The following CKAP5 variants were observed in gnomAD, a reference collection of about 807,000 sequenced individuals.
CKAP5 encodes the protein cytoskeleton-associated protein 5.
Under a neutral mutation model 232.8 loss-of-function variants are expected in CKAP5, and 27 were observed. The observed-to-expected ratio is 0.12, with a 90% confidence interval of 0.09 to 0.16. CKAP5 has a LOEUF of 0.16. Among genes scored for constraint, CKAP5 ranks in the 10% least tolerant of loss-of-function variants. The pLI is 1.00. For synonymous variants in CKAP5, 785 were observed against 841.1 expected (o/e 0.93, Z 1.16); for missense variants, 1,838 against 2,424.7 (o/e 0.76, Z 5.08).
chr11:46,794,147 A>C (rs1326523004), intron 13 of CKAP5, among the ~76,000 whole-genome samples: 3 of 152,188 alleles, frequency 2.0e-5, no homozygotes, highest in Admixed American at 2.0e-4. Flanking sequence ...AAATCTTTAG[A>C]ACAAAATAGA....
chr11:46,747,079 G>A (rs778818257), intron 42 of CKAP5, among the ~76,000 whole-genome samples: 3 of 152,098 alleles, frequency 2.0e-5, no homozygotes, highest in Non-Finnish European at 2.9e-5. Context: ...GGAGGTTGCA[G>A]TGAGCCGAGA....
At chr11:46,783,713 GTTTA>G (rs1355588419) in intron 17 of CKAP5, among the ~76,000 whole-genome samples, 1 of 150,614 alleles carries the variant, frequency 6.6e-6, no homozygotes, top group African/African-American at 2.4e-5. Context: ...AGAATTTTTT[GTTTA>G]TTTGTTTTGA....
chr11:46,762,199 G>A lies in CKAP5; in HGVS notation c.4028-6C>T. On this transcript the variant is annotated splice_polypyrimidine_tract_variant and splice_region_variant and intron_variant, in intron 31 of 43. Transcript: ENST00000529230. Reference sequence around the variant, plus strand: ...TCCCAGCTCTTCCAGGCACTCTGATGGGGGAGAAAGGCTAGATTAATGAGA... The same window carrying A: ...TCCCAGCTCTTCCAGGCACTCTGATAGGGGAGAAAGGCTAGATTAATGAGA... 3.7e-6 allele frequency: 6 copies of A among 1,612,114 alleles called. No individual in the cohort carries two copies. The highest frequency in any genetic ancestry group is 2.2e-5 in the East Asian group (1 of 44,848).
chr11:46,842,860 G>C (rs1456483489), intron 1 of CKAP5, among the ~76,000 whole-genome samples: 2 of 151,448 alleles, frequency 1.3e-5, no homozygotes, highest in Non-Finnish European at 2.9e-5. Context: ...CCAGCTACTT[G>C]GGAGGCTGAG....
chr11:46,752,189 TATATAC>T (rs1193222778), intron 38 of CKAP5, among the ~76,000 whole-genome samples: 5 of 64,354 alleles, frequency 7.8e-5, no homozygotes, highest in South Asian at 1.1e-3. Flanking sequence ...TATATATATA[TATATAC>T]ACACACACAC....
rs190526483 is a variant in CKAP5, at chr11:46,821,118, T to C, written c.57+57A>G. ...CACACTTCTAAGTAAGATGATAGTATAACTGCTCACAAAACAAGCCAACGA... is the reference window on the plus strand; with the variant it reads ...CACACTTCTAAGTAAGATGATAGTACAACTGCTCACAAAACAAGCCAACGA... On this transcript the variant is annotated intron_variant, in intron 2 of 43. Coordinates refer to ENST00000529230, the MANE Select transcript of CKAP5 (RefSeq NM_001008938.4). The C allele has an allele frequency of 3.9e-3, 4,886 of 1,249,958 alleles. 17 individuals carry two copies. Among genetic ancestry groups the C allele is most frequent in the Non-Finnish European group, 4.2e-3 (3,603 of 850,848 alleles). 77.4% of individuals were successfully genotyped at this position (1,249,958 alleles called of 1,614,324 possible). A position where few individuals can be genotyped will look rare whatever the true frequency, so the allele number is the denominator to read the frequency against.
chr11:46,843,910 T>C (rs916246906), intron 1 of CKAP5, among the ~76,000 whole-genome samples: 1 of 152,028 alleles, frequency 6.6e-6, no homozygotes, highest in South Asian at 2.1e-4. Flanking sequence ...AAAGTCCTAA[T>C]AGAAGCTACA....
At position 46,762,741 on chromosome 11, in the gene CKAP5, T is replaced by C; in HGVS notation, c.3913A>G (p.Ile1305Val). The change falls in exon 31 of 44, where the codon ATT becomes GTT. Residue 1305 changes from isoleucine (I) to valine (V), a missense_variant. Transcript: ENST00000529230. Reference sequence around the variant, plus strand: ...AGGATGGCACGAACATCTTTACGAATGACATCCTTTGGTTCTCCAACCTAG... The same window carrying C: ...AGGATGGCACGAACATCTTTACGAACGACATCCTTTGGTTCTCCAACCTAG... The part of the protein sequence containing the change: ...VVKVGEPKDV[I>V]RKDVRAILNR... 1 of 1,614,056 alleles carries C rather than the reference T, an allele frequency of 6.2e-7. No individual in the cohort carries two copies. The highest frequency in any genetic ancestry group is 8.5e-7 in the Non-Finnish European group (1 of 1,179,934).
In CKAP5 at chr11:46,751,486, T is replaced by G; in HGVS notation, c.5182A>C (p.Asn1728His). The G allele has an allele frequency of 6.2e-7, 1 of 1,614,032 alleles. No homozygotes were observed. Among genetic ancestry groups the G allele is most frequent in the Non-Finnish European group, 8.5e-7 (1 of 1,179,960 alleles). The change falls in exon 39 of 44, where the codon AAC becomes CAC. Residue 1728 changes from asparagine (N) to histidine (H), a missense_variant. Around this residue, in one of 6 missense-constraint regions of CKAP5, gnomAD observed 579 missense variants for 843.2 expected, o/e 0.69. Coordinates refer to ENST00000529230, the MANE Select transcript of CKAP5 (RefSeq NM_001008938.4). ...RLLPDTINSI[N>H]LDRILLDIHI... ...ATATCCAGAAGAATTCTGTCTAGGT[T>G]AATGCTATTGATGGTATCAGGCAAC...
At position 46,749,385 on chromosome 11, in the gene CKAP5, G is replaced by A. The variant is rs190427059; in HGVS notation, c.5704+889C>T. ...CAGGAGAATCACTTGAACCTGGGAGGCGGAGGTTGCAGTGAGCTGAGATTA... is the reference window on the plus strand; with the variant it reads ...CAGGAGAATCACTTGAACCTGGGAGACGGAGGTTGCAGTGAGCTGAGATTA... On this transcript the variant is annotated intron_variant, in intron 42 of 43. Coordinates refer to ENST00000529230, the MANE Select transcript of CKAP5 (RefSeq NM_001008938.4). Among the ~76,000 whole-genome samples the A allele has an allele frequency of 1.8e-3, 270 of 149,974 alleles. 1 individual carries two copies. Among genetic ancestry groups the A allele is most frequent in the South Asian group, 3.8e-3 (18 of 4,704 alleles).
At chr11:46,755,118 T>C (rs777946789) in intron 35 of CKAP5, 51 bp from the exon 36 acceptor site, 9 of 1,430,362 alleles carry the variant, frequency 6.3e-6, no homozygotes, top group Non-Finnish European at 8.5e-6. Context: ...ACTTCTAAAA[T>C]AGCGGAAGAC....
chr11:46,839,703 T>C (rs2134722563), intron 1 of CKAP5, among the ~76,000 whole-genome samples: 1 of 152,280 alleles, frequency 6.6e-6, no homozygotes, highest in East Asian at 1.9e-4. Flanking sequence ...AGTACAATCA[T>C]AGGTTAAGAG....
chr11:46,788,777 GAAGTAAAATAAGAGAAT>G lies in CKAP5; in HGVS notation c.1876-21_1876-5del. The G allele has an allele frequency of 6.3e-7, 1 of 1,593,490 alleles. No individual in the cohort carries two copies. The highest frequency in any genetic ancestry group is 1.4e-5 in the African/African-American group (1 of 73,956). On this transcript the variant is annotated splice_polypyrimidine_tract_variant and splice_region_variant and intron_variant, in intron 15 of 43. Coordinates refer to ENST00000529230, the MANE Select transcript of CKAP5 (RefSeq NM_001008938.4). ...TTCGGTCCATTAGCTCAACAGCCTT[GAAGTAAAATAAGAGAAT>G]AAGAGTTTAAGGGTTAAAGGTTACT...
intron 20 of CKAP5, among the ~76,000 whole-genome samples, 159 bp from the exon 21 acceptor site, chr11:46,778,758 T>C (rs1343497445): frequency 1.3e-5 from 2 of 152,188 alleles, no homozygotes; most frequent in African/African-American, 2.4e-5. Context: ...TGAGACCATA[T>C]GTCAAAAGGT....
At chr11:46,766,230 A>T (rs1268859515) in intron 27 of CKAP5, among the ~76,000 whole-genome samples, 2 of 152,252 alleles carry the variant, frequency 1.3e-5, no homozygotes, top group Non-Finnish European at 2.9e-5. Flanking sequence ...CATTCAGACC[A>T]AACAAATATG....
Position 46,780,282 on chromosome 11 carries a change from A to G in CKAP5, c.2345T>C (p.Met782Thr). The G allele has an allele frequency of 6.2e-7, 1 of 1,614,110 alleles. No individual in the cohort carries two copies. Among genetic ancestry groups the G allele is most frequent in the Non-Finnish European group, 8.5e-7 (1 of 1,179,970 alleles). ...CAAAGAGGGACCAACATACAGATAC[A>G]TCACGCCAAGCAGGGTTATGGCAGC... ...RTAAITLLGV[M>T]YLYVGPSLRM... is the part of the protein sequence containing the mutation. Residue 782 changes from methionine to threonine, a missense_variant, in exon 20 of 44, where the codon ATG (methionine) becomes ACG (threonine). Met to Thr is a moderately conservative substitution (Grantham distance 81, BLOSUM62 -1). Transcript: ENST00000529230.
chr11:46,798,227 G>T, intron 9 of CKAP5, 55 bp from the exon 10 acceptor site: 1 of 1,186,842 alleles, frequency 8.4e-7, no homozygotes, highest in Non-Finnish European at 1.3e-6. Context: ...ATGATATATT[G>T]ATATATCCTA....
intron 36 of CKAP5, among the ~76,000 whole-genome samples, chr11:46,753,959 A>C (rs1218907885): frequency 6.6e-6 from 1 of 151,954 alleles, no homozygotes; most frequent in Non-Finnish European, 1.5e-5. Flanking sequence ...CCAAGCCTCT[A>C]GTAATAGGCA....
In CKAP5 at chr11:46,759,562, C is replaced by T. The variant is rs184942063; in HGVS notation, c.4395-120G>A. 14 of 989,342 alleles carry T rather than the reference C, an allele frequency of 1.4e-5. No homozygotes were observed. The Admixed American group carries it at 1.8e-4, about 13-fold the overall frequency. 61.3% of individuals were successfully genotyped at this position (989,342 alleles called of 1,614,324 possible). ...ATGTTCAACTTCTGGTTTCAGCCCC[C>T]CTGAATGATTTAAGTCCCTGAGTCT... On this transcript the variant is annotated intron_variant, in intron 33 of 43. Transcript: ENST00000529230.
Sources: gnomAD v4.1 joint callset for allele counts (sites outside exome capture counted in the v4.1 genomes callset) on GRCh38, gnomAD v4.1.1 for gene constraint, gnomAD v4.1.1 regional missense constraint, MANE v1.5 for transcripts, NCBI Gene and HGNC (gene_info 2026-07-23, HGNC 2026-07-21) for gene names.